The following ARHGEF11 variants were observed in gnomAD, a reference collection of about 807,000 sequenced individuals.
ARHGEF11 encodes the protein Rho guanine exchange factor (GEF) 11.
Under a neutral mutation model 193.7 loss-of-function variants are expected in ARHGEF11, and 55 were observed. The observed-to-expected ratio is 0.28, with a 90% CI of 0.23 to 0.36. The LOEUF (loss-of-function observed/expected upper bound fraction) is 0.36, where lower values mean the gene tolerates loss of function less well. Among genes scored for constraint, ARHGEF11 ranks in the 10% least tolerant of loss-of-function variants. The pLI, the probability that ARHGEF11 is intolerant of heterozygous loss-of-function variation, is 1.00. For synonymous variants in ARHGEF11, 693 were observed against 768.0 expected (o/e 0.90, Z 1.62); for missense variants, 1,723 against 2,005.6 (o/e 0.86, Z 2.69).
chr1:157,009,617 A>C (rs1306269106), intron 1 of ARHGEF11, among the ~76,000 whole-genome samples: 2 of 152,180 alleles, frequency 1.3e-5, no homozygotes, highest in African/African-American at 4.8e-5. Flanking sequence ...AGGGATGCAT[A>C]CTTATCTTTT....
At chr1:156,941,827 GGA>G (rs1388069452) in intron 34 of ARHGEF11, 35 bp downstream of exon 34, 4 of 1,569,614 alleles carry the variant, frequency 2.5e-6, no homozygotes, top group Non-Finnish European at 3.4e-6. Flanking sequence ...GGTTTGGAGT[GGA>G]GAGAGTGCAG....
chr1:157,033,653 A>C (rs1434987486), intron 1 of ARHGEF11, among the ~76,000 whole-genome samples: 1 of 152,066 alleles, frequency 6.6e-6, no homozygotes, highest in Non-Finnish European at 1.5e-5. Flanking sequence ...CTTGGCTCCT[A>C]CTCATTTTCC....
At position 156,947,894 on chromosome 1, in the gene ARHGEF11, T is replaced by C. The variant is rs140107789; in HGVS notation, c.2216A>G (p.Asp739Gly). ...TDTLLPHLLE[D>G]DLGQLSDLEP... The stretch of plus-strand genomic sequence containing the variant: ...CAGGTCAGACAGCTGGCCCAGATCA[T>C]CCTCTAGGAGGTGGGGAAGGAGGGT... The change falls in exon 25 of 41, where the codon GAT (aspartate) becomes GGT (glycine). Residue 739 changes from aspartate (D) to glycine (G), a missense_variant. Physicochemically the swap from Asp to Gly is moderately conservative, Grantham distance 94. This residue lies in a region of ARHGEF11 where 491 missense variants were observed against 654.5 expected (regional missense o/e 0.75). Coordinates refer to ENST00000368194, the MANE Select transcript of ARHGEF11 (RefSeq NM_198236.3). 9.9e-6 allele frequency: 16 copies of C among 1,613,996 alleles called. No individual in the cohort carries two copies. The highest frequency in any genetic ancestry group is 1.7e-5 in the Admixed American group (1 of 59,992).
At chr1:156,941,582 C>A in intron 34 of ARHGEF11, 149 bp from the exon 35 acceptor site, 2 of 951,002 alleles carry the variant, frequency 2.1e-6, no homozygotes, top group Admixed American at 4.1e-5. Flanking sequence ...AGGAGGGGGG[C>A]TGCTAGCTGA....
rs533552689 is a variant in ARHGEF11 at position 157,009,255 on chromosome 1, C to T, written c.33-23082G>A. Reference sequence around the variant, plus strand: ...ATAAAATGGACTTATACTTAATATGCTTCCCAAATGACTCAGAGATCTTTG... The same window carrying T: ...ATAAAATGGACTTATACTTAATATGTTTCCCAAATGACTCAGAGATCTTTG... On this transcript the variant is annotated intron_variant, in intron 1 of 40. Coordinates refer to ENST00000368194, the MANE Select transcript of ARHGEF11 (RefSeq NM_198236.3). Among the ~76,000 whole-genome samples, 9 of 152,302 alleles carry T rather than the reference C, an allele frequency of 5.9e-5. No homozygotes were observed. In the East Asian group the frequency reaches 1.5e-3, roughly 26 times the overall value.
intron 3 of ARHGEF11, among the ~76,000 whole-genome samples, chr1:156,982,632 C>CGAAGGAAAG (rs1664347677): frequency 6.6e-6 from 1 of 152,154 alleles, no homozygotes; most frequent in Non-Finnish European, 1.5e-5. Flanking sequence ...CTTCTTTCTT[C>CGAAGGAAAG]TCTGGGTCTG....
intron 1 of ARHGEF11, among the ~76,000 whole-genome samples, chr1:157,032,936 T>G (rs921212818): frequency 3.9e-5 from 6 of 152,132 alleles, no homozygotes; most frequent in African/African-American, 1.4e-4. Context: ...CTTCTGCACC[T>G]CCCTTTTAAA....
intron 16 of ARHGEF11, 37 bp from the exon 17 acceptor site, chr1:156,958,901 C>A: frequency 1.2e-6 from 2 of 1,613,614 alleles, no homozygotes; most frequent in Non-Finnish European, 1.7e-6. Flanking sequence ...AAGAAATATA[C>A]ACAAATACTC....
At chr1:157,036,114 AATAT>A (rs977192160) in intron 1 of ARHGEF11, among the ~76,000 whole-genome samples, 23 of 144,040 alleles carry the variant, frequency 1.6e-4, no homozygotes, top group East Asian at 4.0e-4. Flanking sequence ...AATATATATG[AATAT>A]ATATATGAAA....
chr1:157,003,184 C>G (rs896332614), intron 1 of ARHGEF11, among the ~76,000 whole-genome samples: 12 of 152,300 alleles, frequency 7.9e-5, no homozygotes, highest in Admixed American at 2.6e-4. Context: ...TACAGAAAGG[C>G]TGAGCCACTT....
At position 156,938,437 on chromosome 1, in the gene ARHGEF11, T is replaced by A; in HGVS notation, c.4173A>T (p.Glu1391Asp). Residue 1391 changes from glutamate (E) to aspartate (D), a missense_variant, in exon 38 of 41, where the codon GAA (glutamate) becomes GAT (aspartate). Glu to Asp is a conservative substitution (Grantham distance 45, BLOSUM62 2). This residue lies in a region of ARHGEF11 where 360 missense variants were observed against 344.4 expected (regional missense o/e 1.05). Transcript: ENST00000368194. Reference protein sequence around the residue: ...GQSEPGPPEVEGGTKATGNCF... With the variant: ...GQSEPGPPEVDGGTKATGNCF... ...TATTACCCGTAGCCTTTGTTCCGCC[T>A]TCCACTTCAGGTGGCCCAGGCTCTG... is the stretch of plus-strand genomic sequence containing the variant. The A allele has an allele frequency of 6.2e-7, 1 of 1,613,824 alleles. No individual in the cohort carries two copies. Among genetic ancestry groups the A allele is most frequent in the Non-Finnish European group, 8.5e-7 (1 of 1,179,794 alleles).
Position 156,984,446 on chromosome 1 carries a change from C to T in ARHGEF11, c.125-9G>A, listed in dbSNP as rs778340613. On this transcript the variant is annotated splice_polypyrimidine_tract_variant and intron_variant, in intron 2 of 40. Transcript: ENST00000368194. ...ACAGCGTTGAACGAGACCTGGAAGG[C>T]GGAGAGAAAGGTTGAGTACGCAGTG... is the stretch of plus-strand genomic sequence containing the variant. 1.3e-5 allele frequency: 20 copies of T among 1,575,704 alleles called. No homozygotes were observed. The highest frequency in any genetic ancestry group is 6.8e-5 in the East Asian group (3 of 43,900).
chr1:157,035,309 T>C (rs888031979), intron 1 of ARHGEF11, among the ~76,000 whole-genome samples: 1 of 152,034 alleles, frequency 6.6e-6, no homozygotes, highest in South Asian at 2.1e-4. Context: ...TAGTGGCAGC[T>C]GAGGAGAGTT....
intron 1 of ARHGEF11, among the ~76,000 whole-genome samples, chr1:157,040,820 A>T (rs1306221839): frequency 6.6e-6 from 1 of 152,260 alleles, no homozygotes; most frequent in African/African-American, 2.4e-5. Flanking sequence ...ACAATTTGAA[A>T]TACATTATCT....
intron 1 of ARHGEF11, among the ~76,000 whole-genome samples, chr1:157,020,020 G>C (rs1376380019): frequency 6.6e-6 from 1 of 151,776 alleles, no homozygotes; most frequent in African/African-American, 2.4e-5. Context: ...CCAGCTACTC[G>C]GGAGGCTGAG....
intron 3 of ARHGEF11, 116 bp from the exon 4 acceptor site, chr1:156,980,602 T>C: frequency 1.7e-6 from 2 of 1,186,736 alleles, no homozygotes; most frequent in Non-Finnish European, 2.4e-6. Context: ...CTGTGTTAAG[T>C]ATCTCAAATT....
rs369823751 is a variant in ARHGEF11, at chr1:156,936,940, C to A, written c.4506G>T (p.Thr1502=). The A allele has an allele frequency of 4.3e-6, 7 of 1,614,088 alleles. No individual in the cohort carries two copies. Among genetic ancestry groups the A allele is most frequent in the East Asian group, 2.2e-5 (1 of 44,862 alleles). The change falls in exon 40 of 41, where the codon ACG becomes ACT. Residue 1502 remains threonine (T), a synonymous_variant. Transcript: ENST00000368194. ...CTTCTGTGTGGAAACTGCCCACAGGCGTGGTGCCACCAGATGACTCTCCCC... is the reference window on the plus strand; with the variant it reads ...CTTCTGTGTGGAAACTGCCCACAGGAGTGGTGCCACCAGATGACTCTCCCC... The part of the protein sequence containing the change: ...SLGGESSGGT[T]PVGSFHTEAA...
intron 1 of ARHGEF11, among the ~76,000 whole-genome samples, chr1:157,021,189 G>A (rs1198369687): frequency 6.6e-6 from 1 of 152,226 alleles, no homozygotes; most frequent in Non-Finnish European, 1.5e-5. Flanking sequence ...AGAACACAGA[G>A]ATTTCAGGCC....
At chr1:156,978,162 CA>C (rs1663535012) in intron 6 of ARHGEF11, 41 bp downstream of exon 6, 3 of 1,612,698 alleles carry the variant, frequency 1.9e-6, no homozygotes, top group Non-Finnish European at 2.5e-6. Context: ...AGCTTTTCAA[CA>C]GGACATTAGG....
Sources: allele counts gnomAD v4.1 joint callset (sites outside exome capture counted in the v4.1 genomes callset), GRCh38; gene constraint gnomAD v4.1.1; regional missense constraint gnomAD v4.1.1; transcripts MANE v1.5; gene names NCBI Gene and HGNC (gene_info 2026-07-23, HGNC 2026-07-21).